The following SLC2A11 variants were observed in gnomAD, a reference collection of about 807,000 sequenced individuals.
SLC2A11 encodes the protein solute carrier family 2, facilitated glucose transporter member 11.
Under a neutral mutation model 52.1 loss-of-function variants are expected in SLC2A11, and 43 were observed. The observed-to-expected ratio is 0.82, with a 90% CI of 0.65 to 1.06. SLC2A11 has a LOEUF of 1.06. SLC2A11 is among the 50% of genes least tolerant of loss of function. The pLI, the probability that SLC2A11 is intolerant of heterozygous loss-of-function variation, is 0.00. For synonymous variants in SLC2A11, 261 were observed against 277.6 expected, an observed-to-expected ratio of 0.94 and a Z score of 0.59; for missense variants, 582 against 654.2, an observed-to-expected ratio of 0.89 and a Z score of 1.20.
At chr22:23,871,919 A>C (rs2032470192) in intron 3 of SLC2A11, 1 of 152,186 alleles carries the variant, frequency 6.6e-6, no homozygotes, top group South Asian at 2.1e-4. Context: ...GGGACACTCA[A>C]CCTTAGTAGG....
At chr22:23,857,639 G>T (rs928549214), upstream of SLC2A11, 1 of 976,790 alleles carries the variant, frequency 1.0e-6, no homozygotes, top group Non-Finnish European at 1.4e-6. Flanking sequence ...AGCACCCCCA[G>T]CCCTTCTTAA....
At chr22:23,873,642 T>C (rs568552326) in intron 3 of SLC2A11, among the ~76,000 whole-genome samples, 1 of 152,262 alleles carries the variant, frequency 6.6e-6, no homozygotes, top group African/African-American at 2.4e-5. Context: ...GGAGGAGGTA[T>C]ATGACTGTTC....
At chr22:23,879,077 T>C (rs1168857019) in intron 6 of SLC2A11, among the ~76,000 whole-genome samples, 1 of 152,162 alleles carries the variant, frequency 6.6e-6, no homozygotes, top group African/African-American at 2.4e-5. Context: ...GTATTCTTTG[T>C]TCAAGTTCCA....
At chr22:23,878,796 C>T (rs2032709035) in intron 6 of SLC2A11, among the ~76,000 whole-genome samples, 1 of 152,236 alleles carries the variant, frequency 6.6e-6, no homozygotes, top group African/African-American at 2.4e-5. Flanking sequence ...CTCATCCAAT[C>T]ATGGCATCGG....
chr22:23,879,529 G>A (rs1272898242), intron 6 of SLC2A11: 2 of 152,248 alleles, frequency 1.3e-5, no homozygotes, highest in African/African-American at 2.4e-5. Flanking sequence ...GCCTCCCAAA[G>A]TGCGTGGATT....
chr22:23,864,919 C>T (rs1352303501), intron 2 of SLC2A11, among the ~76,000 whole-genome samples: 2 of 151,088 alleles, frequency 1.3e-5, no homozygotes, highest in Non-Finnish European at 2.9e-5. Flanking sequence ...ACCAGCCTGG[C>T]CAACATGATT....
At chr22:23,859,387 C>G (rs73158773) in intron 1 of SLC2A11, among the ~76,000 whole-genome samples, 9,445 of 152,358 alleles carry the variant, frequency 0.062, 333 homozygotes, top group Middle Eastern at 0.13. Context: ...CTCTGCTCCC[C>G]CAGCCTCCAG....
In SLC2A11 at chr22:23,857,935, C is replaced by A; in HGVS notation, c.-65C>A. The A allele has an allele frequency of 5.0e-6, 8 of 1,592,874 alleles. No individual in the cohort carries two copies. The highest frequency in any genetic ancestry group is 6.8e-6 in the Non-Finnish European group (8 of 1,170,920). Reference sequence around the variant, plus strand: ...CTCCGCGCACAGGCTGCCGGCTCACCGCTTGCTAATGGCAGCCGGGGTCTC... The same window carrying A: ...CTCCGCGCACAGGCTGCCGGCTCACAGCTTGCTAATGGCAGCCGGGGTCTC... On this transcript the variant is annotated 5_prime_UTR_variant, in exon 1 of 12. Coordinates refer to ENST00000316185, the MANE Select transcript of SLC2A11 (RefSeq NM_001024939.4).
At chr22:23,857,636 C>A, upstream of SLC2A11, 4 of 1,157,298 alleles carry the variant, frequency 3.5e-6, no homozygotes, top group South Asian at 4.0e-5. Context: ...CCCAGCACCC[C>A]CAGCCCTTCT....
upstream of SLC2A11, chr22:23,857,336 C>G: frequency 7.9e-7 from 1 of 1,270,892 alleles, no homozygotes. Flanking sequence ...GCGCGGCGAC[C>G]AGAGTCGCTT....
chr22:23,877,001 C>T (rs2032632329), intron 4 of SLC2A11, 41 bp from the exon 5 acceptor site: 2 of 1,613,108 alleles, frequency 1.2e-6, no homozygotes, highest in Non-Finnish European at 1.7e-6. Context: ...AGTGGGGGTC[C>T]CAGCTGGTGG....
At chr22:23,857,074 G>C (rs1216792194), upstream of SLC2A11, 1 of 280,650 alleles carries the variant, frequency 3.6e-6, no homozygotes, top group Non-Finnish European at 5.1e-6. Context: ...GTGTGTGTGT[G>C]GGGGGGGGGG....
At chr22:23,877,283 A>C (rs1258108111) in intron 5 of SLC2A11, 112 bp downstream of exon 5, 4 of 1,534,990 alleles carry the variant, frequency 2.6e-6, no homozygotes, top group African/African-American at 1.4e-5. Context: ...ATTGCTTTGC[A>C]TGAAGGCATC....
Position 23,884,232 on chromosome 22 carries a change from G to T in SLC2A11, c.1172-70G>T, listed in dbSNP as rs562898362. 2 of 1,552,550 alleles carry T rather than the reference G, an allele frequency of 1.3e-6. No homozygotes were observed. The highest frequency in any genetic ancestry group is 4.6e-5 in the East Asian group (2 of 43,118). ...GGCCTGGGCTCCCACTCCCATGTCT[G>T]GGCTGGGGTCGGGGAGAGGCAGGCA... is the stretch of plus-strand genomic sequence containing the variant. On this transcript the variant is annotated intron_variant, in intron 10 of 11. Coordinates refer to ENST00000316185, the MANE Select transcript of SLC2A11 (RefSeq NM_001024939.4). This position sits in a 1 kb window ranked among gnomAD's most constrained non-coding sequence, Gnocchi z 4.3.
rs2032965158 is a variant in SLC2A11, at chr22:23,885,305, C to T, written c.*456C>T. On this transcript the variant is annotated 3_prime_UTR_variant, in exon 12 of 12. Transcript: ENST00000316185. ...AAGAGTTCAAGGTAGCAGTAAGCTA[C>T]AATCACACCACTGCATGCCAGACTG... 4.8e-6 allele frequency: 1 copy of T among 207,222 alleles called. No individual in the cohort carries two copies. The highest frequency in any genetic ancestry group is 2.3e-5 in the African/African-American group (1 of 43,526). 12.8% of individuals were successfully genotyped at this position (207,222 alleles called of 1,614,324 possible).
intron 1 of SLC2A11, among the ~76,000 whole-genome samples, chr22:23,858,320 C>T (rs1033942331): frequency 2.6e-5 from 4 of 152,178 alleles, no homozygotes; most frequent in African/African-American, 9.7e-5. Flanking sequence ...GCAGTAAGCC[C>T]TCCGAGCGCT....
intron 1 of SLC2A11, among the ~76,000 whole-genome samples, chr22:23,859,224 G>C (rs991328433): frequency 1.6e-4 from 24 of 152,324 alleles, no homozygotes; most frequent in African/African-American, 5.1e-4. Context: ...CCAGATGCCA[G>C]GTTTCTCACC....
Position 23,875,206 on chromosome 22 carries a change from T to A in SLC2A11, c.380T>A (p.Ile127Asn). ...CGCAAAGCAGGCTCCTTTGAGATGA[T>A]CATGCTGGGAAGACTGCTCGTGGGA... The part of the protein sequence containing the change: ...FSRKAGSFEM[I>N]MLGRLLVGVN... Residue 127 changes from isoleucine (I) to asparagine (N), a missense_variant, in exon 4 of 12, where the codon ATC becomes AAC. Ile to Asn is a moderately radical substitution (Grantham distance 149, BLOSUM62 -3). Transcript: ENST00000316185. 1 of 1,565,104 alleles carries A rather than the reference T, an allele frequency of 6.4e-7. No homozygotes were observed. The highest frequency in any genetic ancestry group is 1.7e-4 in the Middle Eastern group (1 of 5,864).
chr22:23,857,434 G>A, upstream of SLC2A11: 1 of 1,611,018 alleles, frequency 6.2e-7, no homozygotes, highest in Non-Finnish European at 8.5e-7. Context: ...TGAGCTTGGG[G>A]CTTAGCCGAG....
Sources: gnomAD v4.1 joint callset for allele counts (sites outside exome capture counted in the v4.1 genomes callset) on GRCh38, gnomAD v4.1.1 for gene constraint, Gnocchi (gnomAD v3.1) non-coding constraint, MANE v1.5 for transcripts, NCBI Gene and HGNC (gene_info 2026-07-23, HGNC 2026-07-21) for gene names.